Variants in TAOK1 observed in about 807,000 individuals in gnomAD.
TAOK1 encodes the protein serine/threonine-protein kinase TAO1.
In TAOK1, 21 loss-of-function variants were observed where a neutral mutation model predicts 138.3. That is an observed-to-expected ratio of 0.15 (90% CI 0.11 to 0.22). TAOK1 has a LOEUF of 0.22. Among genes scored for constraint, TAOK1 ranks in the 10% least tolerant of loss-of-function variants. The pLI is 1.00. For synonymous variants in TAOK1, 361 were observed against 398.4 expected (o/e 0.91, Z 1.12); for missense variants, 651 against 1,227.7 (o/e 0.53, Z 7.02).
At chr17:29,492,240 A>G (rs190133757) in intron 10 of TAOK1, among the ~76,000 whole-genome samples, 253 of 152,196 alleles carry the variant, frequency 1.7e-3, no homozygotes, top group African/African-American at 5.4e-3. Flanking sequence ...GTGTTTTATT[A>G]TTTGATTCTG....
intron 13 of TAOK1, among the ~76,000 whole-genome samples, chr17:29,506,024 ATTAGT>A (rs2031624182): frequency 6.6e-6 from 1 of 152,246 alleles, no homozygotes; most frequent in East Asian, 1.9e-4. Flanking sequence ...GATAACCTAA[ATTAGT>A]ATGGCCATTT....
chr17:29,391,945 G>A (rs1397997402), intron 1 of TAOK1, among the ~76,000 whole-genome samples: 3 of 152,110 alleles, frequency 2.0e-5, no homozygotes, highest in Admixed American at 2.0e-4. Context: ...GGCCTGGCGC[G>A]GTGGCTCACG....
At chr17:29,444,084 C>T (rs995363931) in intron 1 of TAOK1, among the ~76,000 whole-genome samples, 3 of 150,880 alleles carry the variant, frequency 2.0e-5, no homozygotes, top group African/African-American at 7.3e-5. Context: ...CCCTGCACTC[C>T]AGCCTGGCTG....
At chr17:29,522,787 T>C (rs914469987) in intron 17 of TAOK1, among the ~76,000 whole-genome samples, 7 of 152,042 alleles carry the variant, frequency 4.6e-5, no homozygotes, top group Non-Finnish European at 1.0e-4. Context: ...TTTAAACTTA[T>C]CCAAGGGCAG....
intron 1 of TAOK1, among the ~76,000 whole-genome samples, chr17:29,444,956 T>C (rs1273662530): frequency 6.6e-6 from 1 of 152,250 alleles, no homozygotes; most frequent in Non-Finnish European, 1.5e-5. Context: ...ATTTTCTCTG[T>C]ACACAATAAT....
chr17:29,536,700 C>CTT (rs547178969), intron 19 of TAOK1, among the ~76,000 whole-genome samples: 7 of 128,568 alleles, frequency 5.4e-5, no homozygotes, highest in East Asian at 2.1e-4. Flanking sequence ...GTCATTCAAA[C>CTT]TTTTTTTTTT....
At chr17:29,539,350 C>T (rs773727133) in intron 19 of TAOK1, among the ~76,000 whole-genome samples, 1 of 152,162 alleles carries the variant, frequency 6.6e-6, no homozygotes, top group Admixed American at 6.5e-5. Flanking sequence ...TTGAGAGCAG[C>T]CTAGGCAACA....
At chr17:29,472,637 T>C (rs1190149666) in intron 3 of TAOK1, among the ~76,000 whole-genome samples, 10 of 148,146 alleles carry the variant, frequency 6.8e-5, no homozygotes, top group African/African-American at 2.0e-4. Context: ...GCAATGGCAC[T>C]ATCTCGGCTC....
chr17:29,397,795 ATATT>A (rs947166025), intron 1 of TAOK1, among the ~76,000 whole-genome samples: 2 of 148,956 alleles, frequency 1.3e-5, no homozygotes, highest in African/African-American at 5.0e-5. Flanking sequence ...GTATATATGT[ATATT>A]CATGTATGTA....
chr17:29,405,396 A>G (rs1904962552), intron 1 of TAOK1, among the ~76,000 whole-genome samples: 1 of 152,234 alleles, frequency 6.6e-6, no homozygotes, highest in African/African-American at 2.4e-5. Flanking sequence ...CTCTTTTGAG[A>G]TATTCACATA....
At chr17:29,441,984 TTGTC>T (rs1199055585) in intron 1 of TAOK1, among the ~76,000 whole-genome samples, 16 of 152,094 alleles carry the variant, frequency 1.1e-4, no homozygotes, top group Admixed American at 5.2e-4. Context: ...GTTAATAGGT[TTGTC>T]TGTTTTGTTT....
At chr17:29,396,125 T>C (rs1904593303) in intron 1 of TAOK1, among the ~76,000 whole-genome samples, 1 of 152,198 alleles carries the variant, frequency 6.6e-6, no homozygotes, top group Non-Finnish European at 1.5e-5. Flanking sequence ...TCATTAAAGA[T>C]GTCTCATACC....
intron 18 of TAOK1, among the ~76,000 whole-genome samples, chr17:29,533,482 A>G (rs2032165132): frequency 2.0e-5 from 3 of 152,146 alleles, no homozygotes; most frequent in Admixed American, 6.5e-5. Flanking sequence ...TGGGAGGCCA[A>G]GGCAGGCGGC....
At chr17:29,447,255 T>G (rs901302624) in intron 1 of TAOK1, among the ~76,000 whole-genome samples, 2 of 151,984 alleles carry the variant, frequency 1.3e-5, no homozygotes, top group Admixed American at 6.6e-5. Flanking sequence ...TATTGGGATG[T>G]TGTCCATTTC....
In TAOK1 at chr17:29,466,600, G is replaced by T. The variant is rs543070720; in HGVS notation, c.133-545G>T. On this transcript the variant is annotated intron_variant, in intron 2 of 19. Transcript: ENST00000261716. ...GAGGTTTCAGTTATAGGGTTAAACT[G>T]CCTTTGTAAAATTAATGGGATAGCT... is the stretch of plus-strand genomic sequence containing the variant. Among the ~76,000 whole-genome samples, 4 of 152,256 alleles carry T rather than the reference G, an allele frequency of 2.6e-5. No individual in the cohort carries two copies. The East Asian group carries it at 7.7e-4, about 29-fold the overall frequency.
chr17:29,484,584 GT>G (rs530885937), intron 8 of TAOK1, among the ~76,000 whole-genome samples: 3 of 151,496 alleles, frequency 2.0e-5, no homozygotes, highest in South Asian at 2.1e-4. Flanking sequence ...TATGATTTTC[GT>G]TTTTTTTCTT....
chr17:29,427,895 C>T (rs575106336), intron 1 of TAOK1, among the ~76,000 whole-genome samples: 196 of 145,428 alleles, frequency 1.3e-3, no homozygotes, highest in African/African-American at 4.7e-3. Flanking sequence ...CACTGCACTC[C>T]AGCCTGGGCA....
chr17:29,550,903 C>T lies in TAOK1; in HGVS notation c.*7881C>T, dbSNP rs1386785071. On this transcript the variant is annotated 3_prime_UTR_variant, in exon 20 of 20. Transcript: ENST00000261716. ...AACTCCTTCCTTAAAGGCCATATCA[C>T]TCCATTTGCATTATTTGTGCAAATG... 1 of 152,416 alleles carries T rather than the reference C, an allele frequency of 6.6e-6. No homozygotes were observed. Among genetic ancestry groups the T allele is most frequent in the Non-Finnish European group, 1.5e-5 (1 of 68,036 alleles). The allele number at this position is 152,416 out of a possible 1,614,324, so 9.4% of individuals were successfully genotyped here.
chr17:29,416,761 G>A (rs1031742236), intron 1 of TAOK1, among the ~76,000 whole-genome samples: 1 of 152,084 alleles, frequency 6.6e-6, no homozygotes, highest in African/African-American at 2.4e-5. Flanking sequence ...CTACCGTAGA[G>A]AGGCAAAATT....
Sources: allele counts gnomAD v4.1 joint callset (sites outside exome capture counted in the v4.1 genomes callset), GRCh38; gene constraint gnomAD v4.1.1; transcripts MANE v1.5; gene names NCBI Gene and HGNC (gene_info 2026-07-23, HGNC 2026-07-21).